Variants in FCHO2 observed in about 807,000 individuals in gnomAD.
The protein encoded by FCHO2 is FCH and mu domain containing endocytic adaptor 2, also known as F-BAR domain only protein 2.
FCHO2 carries 43 observed loss-of-function variants against 114.1 expected under a neutral mutation model. The observed-to-expected ratio is 0.38, with a 90% CI of 0.30 to 0.49. The LOEUF is 0.49. FCHO2 is among the 20% of genes least tolerant of loss of function. FCHO2 has a pLI of 0.97. For missense variants in FCHO2, 807 were observed against 950.4 expected, an observed-to-expected ratio of 0.85 and a Z score of 1.98; for synonymous variants, 293 against 315.2, an observed-to-expected ratio of 0.93 and a Z score of 0.75.
intron 2 of FCHO2, among the ~76,000 whole-genome samples, chr5:72,970,009 A>G (rs761895073): frequency 1.3e-5 from 2 of 152,048 alleles, no homozygotes; most frequent in Non-Finnish European, 2.9e-5. Context: ...AGCTATCATT[A>G]TTTTTGCCTG....
intron 6 of FCHO2, among the ~76,000 whole-genome samples, chr5:73,012,478 G>A (rs1020866551): frequency 1.3e-5 from 2 of 152,072 alleles, no homozygotes; most frequent in Non-Finnish European, 2.9e-5. Context: ...AATTAGCTGG[G>A]TGTGGTGGCA....
At chr5:73,022,536 A>C (rs1264639573) in intron 8 of FCHO2, among the ~76,000 whole-genome samples, 1 of 152,126 alleles carries the variant, frequency 6.6e-6, no homozygotes, top group Non-Finnish European at 1.5e-5. Context: ...GTGCTGCCTT[A>C]TTCATGGCAG....
intron 17 of FCHO2, among the ~76,000 whole-genome samples, chr5:73,062,216 G>A (rs1757888186): frequency 6.6e-6 from 1 of 152,076 alleles, no homozygotes; most frequent in African/African-American, 2.4e-5. Flanking sequence ...GCTTCTAGAA[G>A]CAGTGCCTAA....
intron 11 of FCHO2, among the ~76,000 whole-genome samples, chr5:73,042,054 G>A (rs1376409836): frequency 6.6e-6 from 1 of 152,040 alleles, no homozygotes; most frequent in Admixed American, 6.5e-5. Context: ...CAGCATCATA[G>A]TGTAACAAAA....
At position 72,958,953 on chromosome 5, in the gene FCHO2, A is replaced by G. The variant is rs968965400; in HGVS notation, c.33+2824A>G. 1.2e-4 allele frequency among the ~76,000 whole-genome samples: 19 copies of G among 152,292 alleles called. No individual in the cohort carries two copies. The East Asian group carries it at 3.3e-3, about 26-fold the overall frequency. On this transcript the variant is annotated intron_variant, in intron 1 of 25. Transcript: ENST00000430046. ...TAATATGAATAATACTTCTCTGAAT[A>G]TCTTTCTACACATTTTTATGTGCTT... is the stretch of plus-strand genomic sequence containing the variant.
intron 22 of FCHO2, among the ~76,000 whole-genome samples, chr5:73,078,777 A>G (rs962252999): frequency 1.3e-5 from 2 of 152,238 alleles, no homozygotes; most frequent in Non-Finnish European, 2.9e-5. Context: ...ACGAGAACCA[A>G]TTGAAGAACT....
intron 1 of FCHO2, among the ~76,000 whole-genome samples, chr5:72,957,762 A>G (rs1751636705): frequency 6.6e-6 from 1 of 152,220 alleles, no homozygotes; most frequent in South Asian, 2.1e-4. Context: ...CTGCCATACT[A>G]TTCTGAAGTG....
intron 10 of FCHO2, among the ~76,000 whole-genome samples, chr5:73,039,644 G>A (rs1010616678): frequency 2.0e-5 from 3 of 151,926 alleles, no homozygotes; most frequent in Admixed American, 6.6e-5. Flanking sequence ...AGTCACCTGG[G>A]GGGCCAGGCC....
chr5:72,983,391 TA>T (rs1345433772), intron 2 of FCHO2, among the ~76,000 whole-genome samples: 5 of 152,056 alleles, frequency 3.3e-5, no homozygotes, highest in South Asian at 4.2e-4. Flanking sequence ...TTTATTTATT[TA>T]TTTTTTTTGA....
chr5:73,088,388 GA>G lies in FCHO2; in HGVS notation c.*305del. ...TTAAATTATTTCCAGTGTCTATGTT[GA>G]AAAAAAGGGTTATAGTGTAATATCA... On this transcript the variant is annotated 3_prime_UTR_variant, in exon 26 of 26. Transcript: ENST00000430046. 17 of 368,328 alleles carry G rather than the reference GA, an allele frequency of 4.6e-5. No homozygotes were observed. The highest frequency in any genetic ancestry group is 7.0e-5 in the Non-Finnish European group (14 of 200,218). 22.8% of individuals were successfully genotyped at this position (368,328 alleles called of 1,614,324 possible). A position where few individuals can be genotyped will look rare whatever the true frequency, so the allele number is the denominator to read the frequency against.
At chr5:73,074,086 C>G (rs929312588) in intron 19 of FCHO2, among the ~76,000 whole-genome samples, 2 of 151,774 alleles carry the variant, frequency 1.3e-5, no homozygotes, top group South Asian at 4.1e-4. Flanking sequence ...TGAACACTTG[C>G]ATAAATTTGT....
At chr5:73,066,750 A>C (rs1246313386) in intron 18 of FCHO2, among the ~76,000 whole-genome samples, 1 of 151,906 alleles carries the variant, frequency 6.6e-6, no homozygotes, top group Non-Finnish European at 1.5e-5. Flanking sequence ...TAGCATTAGC[A>C]TCACCAGGGA....
rs182234138 is a variant in FCHO2, at chr5:72,974,655, C to T, written c.125+6066C>T. 2.2e-3 allele frequency among the ~76,000 whole-genome samples: 330 copies of T among 152,104 alleles called. 1 individual carries two copies. The highest frequency in any genetic ancestry group is 7.3e-3 in the African/African-American group (304 of 41,494). ...ACACTGATGGGTCTTGACTCTTTAT[C>T]GAGTTTGCCAGTCTGTGTCTTTTAA... On this transcript the variant is annotated intron_variant, in intron 2 of 25. Coordinates refer to ENST00000430046, the MANE Select transcript of FCHO2 (RefSeq NM_138782.3).
At chr5:72,977,785 TA>T (rs1752967524) in intron 2 of FCHO2, among the ~76,000 whole-genome samples, 1 of 152,232 alleles carries the variant, frequency 6.6e-6, no homozygotes, top group Non-Finnish European at 1.5e-5. Flanking sequence ...CATCTTGAGT[TA>T]ATTTTTTGTA....
intron 11 of FCHO2, among the ~76,000 whole-genome samples, chr5:73,042,367 G>A (rs1002041692): frequency 3.8e-4 from 58 of 152,002 alleles, no homozygotes; most frequent in Non-Finnish European, 4.9e-4. Context: ...TTATTTTTAT[G>A]CATTTTATTT....
intron 5 of FCHO2, among the ~76,000 whole-genome samples, chr5:73,006,117 A>G (rs893019171): frequency 1.3e-5 from 2 of 152,190 alleles, no homozygotes; most frequent in Admixed American, 6.5e-5. Flanking sequence ...TCTCTCCAAC[A>G]GTGTGTTAAC....
At chr5:72,998,552 G>A (rs1479009416) in intron 5 of FCHO2, among the ~76,000 whole-genome samples, 9 of 151,892 alleles carry the variant, frequency 5.9e-5, no homozygotes, top group African/African-American at 2.2e-4. Context: ...TAACATTCAT[G>A]CCCAACAGTG....
intron 8 of FCHO2, among the ~76,000 whole-genome samples, chr5:73,024,082 C>T (rs1212774270): frequency 6.6e-6 from 1 of 151,212 alleles, no homozygotes; most frequent in Non-Finnish European, 1.5e-5. Flanking sequence ...TTTTTTGAGA[C>T]ATGGTCTTGC....
Position 73,089,835 on chromosome 5 carries a change from A to G in FCHO2, c.*1745A>G, listed in dbSNP as rs896504812. ...CAGTATATGCTTTTTTATATATTCA[A>G]TGTTAGCCCAAGTCTGAATTTACAT... On this transcript the variant is annotated 3_prime_UTR_variant, in exon 26 of 26. Coordinates refer to ENST00000430046, the MANE Select transcript of FCHO2 (RefSeq NM_138782.3). 1.2e-4 allele frequency: 19 copies of G among 152,690 alleles called. No homozygotes were observed. Among genetic ancestry groups the G allele is most frequent in the East Asian group, 3.9e-4 (2 of 5,182 alleles). 9.5% of individuals were successfully genotyped at this position (152,690 alleles called of 1,614,324 possible).
Sources: allele counts gnomAD v4.1 joint callset (sites outside exome capture counted in the v4.1 genomes callset), GRCh38; gene constraint gnomAD v4.1.1; transcripts MANE v1.5; gene names NCBI Gene and HGNC (gene_info 2026-07-23, HGNC 2026-07-21).